Variants in PDE4D observed in about 807,000 individuals in gnomAD.
PDE4D encodes 3',5'-cyclic-AMP phosphodiesterase 4D.
A neutral mutation model predicts 87.4 loss-of-function variants in PDE4D; 24 were observed. The ratio of observed to expected loss-of-function variants is 0.27; its 90% CI spans 0.20 to 0.39. The LOEUF (loss-of-function observed/expected upper bound fraction) is 0.39, where lower values mean the gene tolerates loss of function less well. PDE4D is among the 10% of genes least tolerant of loss of function. The probability of loss-of-function intolerance (pLI) is 1.00; values close to 1 mark genes in which losing one functional copy is unlikely to be tolerated. For missense variants in PDE4D, 714 were observed against 1,041.0 expected (o/e 0.69, Z 4.32); for synonymous variants, 384 against 383.2 (o/e 1.00, Z -0.02).
rs79845574 is a variant in PDE4D at position 59,195,461 on chromosome 5, G to A, written c.648-1925C>T. Among the ~76,000 whole-genome samples the A allele has an allele frequency of 7.5e-3, 1,141 of 152,290 alleles. 11 individuals carry two copies. Among genetic ancestry groups the A allele is most frequent in the African/African-American group, 0.026 (1,096 of 41,566 alleles). ...AAAGAAGCAGATACAGAGCTGCAAC[G>A]AGAAGCTCGGTGATTCTAGAGAATG... On this transcript the variant is annotated intron_variant, in intron 2 of 14. Transcript: ENST00000340635.
At chr5:59,964,084 A>G (rs1217024172) in intron 3 of PDE4D, among the ~76,000 whole-genome samples, 1 of 152,202 alleles carries the variant, frequency 6.6e-6, no homozygotes, top group Non-Finnish European at 1.5e-5. Flanking sequence ...AGATGCAGAT[A>G]TAAAATGCAC....
At chr5:60,460,467 GA>G in intron 1 of PDE4D, 1 of 1,525,494 alleles carries the variant, frequency 6.6e-7, no homozygotes, top group Non-Finnish European at 9.1e-7. Context: ...CAAAATTTGG[GA>G]TTTTGGCGAT....
At chr5:60,019,898 T>A (rs35314830) in intron 2 of PDE4D, among the ~76,000 whole-genome samples, 23,193 of 152,148 alleles carry the variant, frequency 0.15, 1,807 homozygotes, top group Middle Eastern at 0.23. Flanking sequence ...CTTTTATTTT[T>A]TTTTTTTGCA....
At chr5:60,129,722 T>C (rs1477179614) in intron 2 of PDE4D, among the ~76,000 whole-genome samples, 1 of 152,206 alleles carries the variant, frequency 6.6e-6, no homozygotes, top group African/African-American at 2.4e-5. Flanking sequence ...TTGTATTAAC[T>C]GTAGCCATTA....
intron 3 of PDE4D, among the ~76,000 whole-genome samples, chr5:59,959,188 C>G (rs1347362680): frequency 6.6e-6 from 1 of 151,800 alleles, no homozygotes; most frequent in Non-Finnish European, 1.5e-5. Context: ...CTACAAAACA[C>G]TACTGAAATA....
chr5:59,936,258 G>A (rs1438647116), intron 3 of PDE4D, among the ~76,000 whole-genome samples: 4 of 152,070 alleles, frequency 2.6e-5, no homozygotes, highest in Admixed American at 6.5e-5. Context: ...TATACCTAAT[G>A]TTAAATGACG....
At chr5:59,733,891 C>A (rs1039460015) in intron 1 of PDE4D, among the ~76,000 whole-genome samples, 3 of 151,912 alleles carry the variant, frequency 2.0e-5, no homozygotes, top group African/African-American at 7.3e-5. Flanking sequence ...TATTGACAAC[C>A]ACTTCTTGTT....
chr5:60,491,609 C>G (rs2150235297), upstream of PDE4D: 1 of 152,294 alleles, frequency 6.6e-6, no homozygotes, highest in South Asian at 2.1e-4. Flanking sequence ...TGGTCTTGCT[C>G]TTTGTCTAAG....
At chr5:60,078,126 C>A (rs1372837760) in intron 2 of PDE4D, among the ~76,000 whole-genome samples, 1 of 152,154 alleles carries the variant, frequency 6.6e-6, no homozygotes, top group Admixed American at 6.5e-5. Context: ...AGATATTCTC[C>A]AGTCCAGAGA....
chr5:59,633,755 G>A (rs900162265), intron 1 of PDE4D, among the ~76,000 whole-genome samples: 2 of 152,068 alleles, frequency 1.3e-5, no homozygotes, highest in African/African-American at 4.8e-5. Flanking sequence ...ATATGGAAAG[G>A]AAAAACTGAT....
intron 1 of PDE4D, chr5:60,372,852 T>C (rs1021210011): frequency 1.3e-5 from 2 of 152,238 alleles, no homozygotes; most frequent in Non-Finnish European, 2.9e-5. Flanking sequence ...GTAGATATTT[T>C]GTGCTTAGTA....
intron 1 of PDE4D, among the ~76,000 whole-genome samples, chr5:59,746,829 C>T (rs1239018048): frequency 6.6e-6 from 1 of 152,026 alleles, no homozygotes; most frequent in Non-Finnish European, 1.5e-5. Flanking sequence ...GTTTGTACCT[C>T]TGCCCCTAGT....
At position 59,194,380 on chromosome 5, in the gene PDE4D, A is replaced by G. The variant is rs80263962; in HGVS notation, c.648-844T>C. Among the ~76,000 whole-genome samples the G allele has an allele frequency of 7.5e-3, 1,143 of 152,316 alleles. 11 individuals carry two copies. Among genetic ancestry groups the G allele is most frequent in the African/African-American group, 0.027 (1,102 of 41,560 alleles). ...GTGAATGCTGTTATTCAACACAGAC[A>G]GCTCCCTGGACATGGCCCTGAGAAC... On this transcript the variant is annotated intron_variant, in intron 2 of 14. Coordinates refer to ENST00000340635, the MANE Select transcript of PDE4D (RefSeq NM_001104631.2).
chr5:59,426,348 C>T (rs13161585), intron 1 of PDE4D, among the ~76,000 whole-genome samples: 5,737 of 152,248 alleles, frequency 0.038, 154 homozygotes, highest in Middle Eastern at 0.058. Flanking sequence ...ACCTTGTGAT[C>T]GTTCCACAAG....
At chr5:59,502,188 G>GCATGAA (rs553550958) in intron 1 of PDE4D, among the ~76,000 whole-genome samples, 175 of 152,242 alleles carry the variant, frequency 1.1e-3, no homozygotes, top group African/African-American at 4.0e-3. Context: ...GTCCTCAATA[G>GCATGAA]CATGAACATA....
intron 1 of PDE4D, among the ~76,000 whole-genome samples, chr5:60,273,743 C>T (rs1277517506): frequency 1.3e-5 from 2 of 152,024 alleles, no homozygotes; most frequent in Admixed American, 6.5e-5. Context: ...CAAAAATGCC[C>T]CCCAAGTTAC....
chr5:59,781,933 T>C (rs1764679069), intron 1 of PDE4D, among the ~76,000 whole-genome samples: 1 of 152,066 alleles, frequency 6.6e-6, no homozygotes, highest in Non-Finnish European at 1.5e-5. Flanking sequence ...GAATAACATG[T>C]CATTTTATAC....
intron 1 of PDE4D, among the ~76,000 whole-genome samples, chr5:59,602,084 G>A (rs999794160): frequency 2.6e-5 from 4 of 151,966 alleles, no homozygotes; most frequent in African/African-American, 9.7e-5. Flanking sequence ...GATCAAGTGG[G>A]ATTCATCCTA....
At chr5:59,189,252 T>G (rs1368637049) in intron 3 of PDE4D, among the ~76,000 whole-genome samples, 12 of 107,004 alleles carry the variant, frequency 1.1e-4, no homozygotes, top group African/African-American at 1.2e-4. Context: ...TTGTTTTTTT[T>G]GTTTTTTTTT....
Sources: allele counts gnomAD v4.1 joint callset (sites outside exome capture counted in the v4.1 genomes callset), GRCh38; gene constraint gnomAD v4.1.1; transcripts MANE v1.5; gene names NCBI Gene and HGNC (gene_info 2026-07-23, HGNC 2026-07-21).